Variants in CCDC102B observed in about 807,000 individuals in gnomAD.
The protein encoded by CCDC102B is coiled-coil domain-containing protein 102B.
A neutral mutation model predicts 57.4 loss-of-function variants in CCDC102B; 75 were observed. That is an observed-to-expected ratio of 1.31 (90% confidence interval 1.08 to 1.58). The LOEUF is 1.58. Ranked by LOEUF, CCDC102B falls within the 40% of genes most tolerant of loss-of-function variation. The probability of loss-of-function intolerance (pLI) is 0.00; values close to 1 mark genes in which losing one functional copy is unlikely to be tolerated. For missense variants in CCDC102B, 636 were observed against 582.6 expected (o/e 1.09, Z -0.94); for synonymous variants, 206 against 201.9 (o/e 1.02, Z -0.17).
At chr18:68,986,342 T>C (rs779571086) in intron 6 of CCDC102B, among the ~76,000 whole-genome samples, 5 of 152,138 alleles carry the variant, frequency 3.3e-5, no homozygotes, top group Non-Finnish European at 7.4e-5. Flanking sequence ...GTTCAAAACA[T>C]GCAAATCAAT....
intron 2 of CCDC102B, among the ~76,000 whole-genome samples, chr18:68,772,844 A>G (rs1363029621): frequency 6.6e-6 from 1 of 152,100 alleles, no homozygotes; most frequent in Non-Finnish European, 1.5e-5. Context: ...ACCCTTTTCC[A>G]GAGTTCTCTA....
At chr18:68,970,678 T>C (rs2050278256) in intron 6 of CCDC102B, among the ~76,000 whole-genome samples, 1 of 152,016 alleles carries the variant, frequency 6.6e-6, no homozygotes, top group Admixed American at 6.6e-5. Flanking sequence ...GAATGGCCTC[T>C]AGCACATAAA....
At chr18:69,009,924 A>ATT (rs770668683) in intron 6 of CCDC102B, among the ~76,000 whole-genome samples, 1,218 of 33,420 alleles carry the variant, frequency 0.036, 307 homozygotes, top group African/African-American at 0.063. Context: ...TTTAATAAAG[A>ATT]TTTTTTTTTT....
intron 6 of CCDC102B, among the ~76,000 whole-genome samples, chr18:69,007,244 CAGTT>C (rs1221322546): frequency 3.9e-5 from 6 of 152,050 alleles, no homozygotes; most frequent in South Asian, 4.1e-4. Flanking sequence ...TCTATGAACA[CAGTT>C]AGAGTATGTT....
intron 2 of CCDC102B, among the ~76,000 whole-genome samples, chr18:68,765,378 A>AG (rs2034429448): frequency 7.5e-6 from 1 of 132,502 alleles, no homozygotes; most frequent in African/African-American, 2.9e-5. Context: ...AGAAAGAAAG[A>AG]AAAGAAAGAA....
intron 6 of CCDC102B, among the ~76,000 whole-genome samples, chr18:68,959,768 C>T (rs1406891731): frequency 6.6e-6 from 1 of 151,962 alleles, no homozygotes; most frequent in Non-Finnish European, 1.5e-5. Flanking sequence ...CTATGGTTAC[C>T]ACTGTCCCCT....
chr18:68,983,171 A>G (rs1157270824), intron 6 of CCDC102B, among the ~76,000 whole-genome samples: 1 of 150,036 alleles, frequency 6.7e-6, no homozygotes, highest in African/African-American at 2.4e-5. Flanking sequence ...TTTTTTTTTT[A>G]GTATCATTTA....
chr18:68,862,589 A>G (rs1049806873), intron 4 of CCDC102B, among the ~76,000 whole-genome samples: 1 of 152,136 alleles, frequency 6.6e-6, no homozygotes, highest in African/African-American at 2.4e-5. Context: ...TTAGCCTCCT[A>G]TTACATGTAT....
intron 7 of CCDC102B, among the ~76,000 whole-genome samples, chr18:69,050,678 A>G (rs73457745): frequency 0.053 from 8,065 of 152,222 alleles, 732 homozygotes; most frequent in African/African-American, 0.18. Flanking sequence ...GAGAGTATTA[A>G]ACTCTCTGTG....
chr18:68,728,067 T>C (rs2032680798), intron 2 of CCDC102B, among the ~76,000 whole-genome samples: 1 of 152,214 alleles, frequency 6.6e-6, no homozygotes. Flanking sequence ...GTTGATGCTT[T>C]AGTTCAATCT....
At chr18:68,717,353 A>G (rs2032083919) in intron 2 of CCDC102B, among the ~76,000 whole-genome samples, 1 of 152,220 alleles carries the variant, frequency 6.6e-6, no homozygotes, top group South Asian at 2.1e-4. Flanking sequence ...GAAAGTATAA[A>G]ACTGTAAAAT....
chr18:68,842,212 A>G (rs2037666043), intron 3 of CCDC102B, among the ~76,000 whole-genome samples: 1 of 147,294 alleles, frequency 6.8e-6, no homozygotes, highest in South Asian at 2.2e-4. Flanking sequence ...TCTACTTTAC[A>G]TATTTAAGAA....
intron 6 of CCDC102B, among the ~76,000 whole-genome samples, chr18:68,947,756 G>A (rs1448294316): frequency 3.9e-5 from 6 of 152,028 alleles, no homozygotes; most frequent in African/African-American, 9.7e-5. Flanking sequence ...TTATTAAAAT[G>A]TATTGAACTA....
intron 1 of CCDC102B, among the ~76,000 whole-genome samples, chr18:68,831,086 TA>T (rs2037124141): frequency 6.6e-6 from 1 of 152,080 alleles, no homozygotes; most frequent in South Asian, 2.1e-4. Context: ...TTAAGCCCCT[TA>T]AAGCTTATAG....
At chr18:68,975,910 A>AT (rs1338061623) in intron 6 of CCDC102B, among the ~76,000 whole-genome samples, 1 of 151,498 alleles carries the variant, frequency 6.6e-6, no homozygotes, top group Admixed American at 6.6e-5. Context: ...CACAATCAAT[A>AT]TTTTTTTCTT....
chr18:68,916,729 A>G (rs920419464), intron 6 of CCDC102B, among the ~76,000 whole-genome samples: 3 of 152,236 alleles, frequency 2.0e-5, no homozygotes, highest in Non-Finnish European at 2.9e-5. Context: ...ATCAACAAAA[A>G]GTCTCTTGAG....
At chr18:68,955,728 A>G (rs1599746770) in intron 6 of CCDC102B, among the ~76,000 whole-genome samples, 1 of 151,680 alleles carries the variant, frequency 6.6e-6, no homozygotes, top group Middle Eastern at 3.4e-3. Context: ...TTTATAATTT[A>G]TGTATGATAA....
chr18:69,014,539 G>A (rs559485389), intron 7 of CCDC102B, among the ~76,000 whole-genome samples: 2 of 152,024 alleles, frequency 1.3e-5, no homozygotes, highest in East Asian at 3.9e-4. Context: ...TTATGTGGAA[G>A]CATTTATAGA....
At chr18:69,047,162 C>T (rs932478370) in intron 7 of CCDC102B, among the ~76,000 whole-genome samples, 2 of 151,994 alleles carry the variant, frequency 1.3e-5, no homozygotes, top group Non-Finnish European at 2.9e-5. Flanking sequence ...AAGTCCTCAA[C>T]AAAATACTCA....
Sources: allele counts gnomAD v4.1 joint callset (sites outside exome capture counted in the v4.1 genomes callset), GRCh38; gene constraint gnomAD v4.1.1; transcripts MANE v1.5; gene names NCBI Gene and HGNC (gene_info 2026-07-23, HGNC 2026-07-21).